The following S100A8 variants were observed in gnomAD, a reference collection of about 807,000 sequenced individuals.
S100A8 encodes protein S100-A8.
In S100A8, 1 loss-of-function variant was observed where a neutral mutation model predicts 4.2. The ratio of observed to expected loss-of-function variants is 0.24; its 90% CI spans 0.08 to 1.12. The LOEUF (loss-of-function observed/expected upper bound fraction) is 1.12, where lower values mean the gene tolerates loss of function less well. Ranked by LOEUF, S100A8 falls within the 50% of genes most tolerant of loss-of-function variation. The pLI is 0.53. For synonymous variants in S100A8, 41 were observed against 44.7 expected, an observed-to-expected ratio of 0.92 and a Z score of 0.33; for missense variants, 96 against 111.8, an observed-to-expected ratio of 0.86 and a Z score of 0.64.
chr1:153,417,205 C>T, the S100A8 span: 1 of 152,262 alleles, frequency 6.6e-6, no homozygotes, highest in East Asian at 1.9e-4. Flanking sequence ...ATGAGAGCTG[C>T]ACTGTCTTAT....
chr1:153,414,720 A>G, the S100A8 span, among the ~76,000 whole-genome samples: 1,864 of 152,314 alleles, frequency 0.012, 39 homozygotes, highest in African/African-American at 0.042. Flanking sequence ...TTAAAAAACT[A>G]AACATACTCT....
chr1:153,416,634 A>C, the S100A8 span: 1 of 414,950 alleles, frequency 2.4e-6, no homozygotes, highest in South Asian at 2.1e-5. Flanking sequence ...GCCTGTAGGA[A>C]GGGAAAGGGC....
chr1:153,417,513 T>C, the S100A8 span, among the ~76,000 whole-genome samples: 12 of 152,302 alleles, frequency 7.9e-5, no homozygotes, highest in South Asian at 4.1e-4. Flanking sequence ...CTCACACTCA[T>C]GTCCACGCTC....
chr1:153,403,578 C>T, the S100A8 span, among the ~76,000 whole-genome samples: 29 of 152,168 alleles, frequency 1.9e-4, no homozygotes, highest in Non-Finnish European at 3.8e-4. Flanking sequence ...CCTCCCCACC[C>T]CCACTCCACG....
chr1:153,393,142 C>A (rs1461146052), upstream of S100A8, among the ~76,000 whole-genome samples: 1 of 152,138 alleles, frequency 6.6e-6, no homozygotes, highest in Non-Finnish European at 1.5e-5. Context: ...CATCCACTTC[C>A]TATTCCTGCC....
At chr1:153,402,256 G>T in the S100A8 span, among the ~76,000 whole-genome samples, 1 of 152,158 alleles carries the variant, frequency 6.6e-6, no homozygotes, top group African/African-American at 2.4e-5. Flanking sequence ...CTTAACAATT[G>T]CTGAAAAAGC....
At chr1:153,407,256 G>A in the S100A8 span, among the ~76,000 whole-genome samples, 15 of 152,336 alleles carry the variant, frequency 9.8e-5, no homozygotes, top group East Asian at 2.3e-3. Flanking sequence ...GGAAAATCAG[G>A]TCACTCCCAC....
At chr1:153,395,235 G>A (rs897353227), upstream of S100A8, among the ~76,000 whole-genome samples, 3 of 152,036 alleles carry the variant, frequency 2.0e-5, no homozygotes, top group African/African-American at 4.8e-5. Flanking sequence ...GCCTTCCTGG[G>A]TTGACTGTCA....
chr1:153,419,028 G>C, the S100A8 span: 6,688 of 1,110,460 alleles, frequency 6.0e-3, 258 homozygotes, highest in African/African-American at 0.089. Context: ...TCAGCCCCAC[G>C]ACCATGCCTG....
chr1:153,409,126 A>C, the S100A8 span, among the ~76,000 whole-genome samples: 9 of 152,336 alleles, frequency 5.9e-5, no homozygotes, highest in South Asian at 1.9e-3. Flanking sequence ...CACACATAAC[A>C]ATATTAACCT....
chr1:153,405,768 ACTCT>A, the S100A8 span, among the ~76,000 whole-genome samples: 4 of 151,102 alleles, frequency 2.6e-5, no homozygotes, highest in Non-Finnish European at 5.9e-5. Flanking sequence ...AGAGCCACCA[ACTCT>A]CTCTGTGTCT....
At chr1:153,413,545 T>C in the S100A8 span, among the ~76,000 whole-genome samples, 1 of 152,342 alleles carries the variant, frequency 6.6e-6, no homozygotes, top group African/African-American at 2.4e-5. Context: ...ATTTGTCAGT[T>C]TTCATTAATT....
At chr1:153,404,814 T>C in the S100A8 span, among the ~76,000 whole-genome samples, 1 of 151,440 alleles carries the variant, frequency 6.6e-6, no homozygotes, top group Non-Finnish European at 1.5e-5. Flanking sequence ...AGGTGCAAGA[T>C]TGGTGCCCGA....
At chr1:153,419,869 C>T in the S100A8 span, 1 of 153,892 alleles carries the variant, frequency 6.5e-6, no homozygotes. Flanking sequence ...GGATGGGCTT[C>T]CTTGTCCTGT....
the S100A8 span, among the ~76,000 whole-genome samples, chr1:153,417,667 C>G: frequency 1.2e-4 from 18 of 152,220 alleles, no homozygotes; most frequent in South Asian, 2.1e-4. Flanking sequence ...CCCCGTGACT[C>G]TCACCCCGAC....
At chr1:153,391,778 C>T (rs747910955), upstream of S100A8, among the ~76,000 whole-genome samples, 1 of 152,156 alleles carries the variant, frequency 6.6e-6, no homozygotes, top group Admixed American at 6.5e-5. Flanking sequence ...CGGCACTTCA[C>T]AAGGGCCTGA....
the S100A8 span, among the ~76,000 whole-genome samples, chr1:153,410,287 A>T: frequency 2.0e-5 from 3 of 152,208 alleles, no homozygotes; most frequent in African/African-American, 7.2e-5. Context: ...ATAAAAAATG[A>T]CAAAGGGGAT....
the S100A8 span, among the ~76,000 whole-genome samples, chr1:153,408,564 T>C: frequency 6.6e-6 from 1 of 152,154 alleles, no homozygotes; most frequent in Non-Finnish European, 1.5e-5. Context: ...CAGGATATTA[T>C]CCAGGAGAAC....
the S100A8 span, among the ~76,000 whole-genome samples, chr1:153,397,779 C>A: frequency 6.6e-6 from 1 of 152,178 alleles, no homozygotes; most frequent in Non-Finnish European, 1.5e-5. Flanking sequence ...AAGCTGGTTA[C>A]CCAGAGAGGA....
Sources: allele counts gnomAD v4.1 joint callset (sites outside exome capture counted in the v4.1 genomes callset), GRCh38; gene constraint gnomAD v4.1.1; transcripts MANE v1.5; gene names NCBI Gene and HGNC (gene_info 2026-07-23, HGNC 2026-07-21).